The following SNX29 variants were observed in gnomAD, a reference collection of about 807,000 sequenced individuals.
SNX29 encodes sorting nexin 29, also known as sorting nexin-29.
SNX29 carries 78 observed loss-of-function variants against 102.1 expected under a neutral mutation model. The observed-to-expected ratio is 0.76, with a 90% CI of 0.64 to 0.92. The LOEUF (loss-of-function observed/expected upper bound fraction) is 0.92. Ranked by LOEUF, SNX29 falls within the 40% of genes least tolerant of loss-of-function variation. SNX29 has a pLI of 0.00. For synonymous variants in SNX29, 580 were observed against 414.5 expected (o/e 1.40, Z -4.85); for missense variants, 1,280 against 1,061.7 (o/e 1.21, Z -2.86).
intron 11 of SNX29, among the ~76,000 whole-genome samples, chr16:12,115,890 C>T (rs111251502): frequency 0.019 from 2,943 of 152,284 alleles, 43 homozygotes; most frequent in South Asian, 0.08. Flanking sequence ...CACTGCACCC[C>T]GCAAGAGGAG....
At chr16:12,558,636 G>T (rs1201085755) in intron 20 of SNX29, among the ~76,000 whole-genome samples, 2 of 152,046 alleles carry the variant, frequency 1.3e-5, no homozygotes, top group East Asian at 3.8e-4. Context: ...GAGCTTAAAA[G>T]AAACCTATTC....
intron 16 of SNX29, among the ~76,000 whole-genome samples, chr16:12,382,913 A>G (rs963028257): frequency 2.0e-5 from 3 of 152,038 alleles, no homozygotes; most frequent in Admixed American, 2.0e-4. Flanking sequence ...CTACCTGGAT[A>G]ATCTAGGATG....
At chr16:12,434,280 G>C (rs1017051392) in intron 18 of SNX29, among the ~76,000 whole-genome samples, 6 of 152,188 alleles carry the variant, frequency 3.9e-5, no homozygotes, top group African/African-American at 1.4e-4. Flanking sequence ...TGTGTACAAA[G>C]TAGTAAGCTC....
chr16:12,150,043 G>C lies in SNX29; in HGVS notation c.1595+20285G>C, dbSNP rs1047520026. On this transcript the variant is annotated intron_variant, in intron 13 of 20. Transcript: ENST00000566228. ...ACGATTGAGGGTGGGGTTTCTGCAA[G>C]GGTGGCCTGGGAACAGATTCCCAAG... is the stretch of plus-strand genomic sequence containing the variant. Among the ~76,000 whole-genome samples the C allele has an allele frequency of 4.6e-5, 7 of 152,292 alleles. No homozygotes were observed. The East Asian group carries it at 1.2e-3, about 25-fold the overall frequency.
chr16:12,248,471 C>G (rs1178222968), intron 14 of SNX29, among the ~76,000 whole-genome samples: 1 of 151,894 alleles, frequency 6.6e-6, no homozygotes, highest in African/African-American at 2.4e-5. Context: ...TCTCAGCTCA[C>G]TGCAACGTCT....
chr16:12,571,481 G>C lies in SNX29; in HGVS notation c.*2852G>C, dbSNP rs543640550. On this transcript the variant is annotated 3_prime_UTR_variant, in exon 21 of 21. Transcript: ENST00000566228. ...GAACAGAAGCCCCCTCCCCTACTCA[G>C]AGAGGAACGAGGGTGGCCCACCTCT... 3.5e-6 allele frequency: 1 copy of C among 288,468 alleles called. No individual in the cohort carries two copies. Among genetic ancestry groups the C allele is most frequent in the Non-Finnish European group, 5.9e-6 (1 of 169,288 alleles). The allele number at this position is 288,468 out of a possible 1,614,324, so 17.9% of individuals were successfully genotyped here.
chr16:12,368,110 G>T (rs932678558), intron 16 of SNX29, among the ~76,000 whole-genome samples: 7 of 152,152 alleles, frequency 4.6e-5, no homozygotes, highest in Non-Finnish European at 8.8e-5. Context: ...TTTCTTTTCT[G>T]ATGCACTTGT....
intron 13 of SNX29, among the ~76,000 whole-genome samples, chr16:12,187,444 A>T (rs2076538729): frequency 6.6e-6 from 1 of 151,812 alleles, no homozygotes; most frequent in African/African-American, 2.4e-5. Flanking sequence ...GCTACTTGGG[A>T]GGCTGAGGCA....
chr16:11,997,834 G>A (rs944205559), intron 1 of SNX29, among the ~76,000 whole-genome samples: 3 of 152,014 alleles, frequency 2.0e-5, no homozygotes, highest in Non-Finnish European at 2.9e-5. Flanking sequence ...ATTTAACTCC[G>A]GTGTCCTCAG....
intron 14 of SNX29, among the ~76,000 whole-genome samples, chr16:12,217,858 A>G (rs1486285799): frequency 6.6e-6 from 1 of 152,204 alleles, no homozygotes; most frequent in African/African-American, 2.4e-5. Context: ...TAAAACGTGG[A>G]TGGTAACTGC....
At chr16:12,516,500 A>AAAAAAG (rs1597696986) in intron 19 of SNX29, among the ~76,000 whole-genome samples, 1 of 147,772 alleles carries the variant, frequency 6.8e-6, no homozygotes, top group African/African-American at 2.5e-5. Context: ...AAAAAAAAAA[A>AAAAAAG]GGTGCAGGAT....
chr16:12,129,183 T>C (rs974336677), intron 12 of SNX29, among the ~76,000 whole-genome samples: 4 of 152,252 alleles, frequency 2.6e-5, no homozygotes, highest in African/African-American at 9.6e-5. Context: ...AATCTGAGTA[T>C]ATATTCTATT....
rs1232547769 is a variant in SNX29, at chr16:12,570,953, T to G, written c.*2324T>G. The G allele has an allele frequency of 8.6e-5, 20 of 231,774 alleles. No individual in the cohort carries two copies. Among genetic ancestry groups the G allele is most frequent in the East Asian group, 7.3e-4 (12 of 16,386 alleles). The allele number at this position is 231,774 out of a possible 1,614,324, so 14.4% of individuals were successfully genotyped here. A position where few individuals can be genotyped will look rare whatever the true frequency, so the allele number is the denominator to read the frequency against. ...GTTCCTGGGAGCCACATGGGGACCATCCCCAGCTGCCTGCTCCTGGTACCT... is the reference window on the plus strand; with the variant it reads ...GTTCCTGGGAGCCACATGGGGACCAGCCCCAGCTGCCTGCTCCTGGTACCT... On this transcript the variant is annotated 3_prime_UTR_variant, in exon 21 of 21. Transcript: ENST00000566228.
At chr16:12,135,560 C>T (rs923834163) in intron 13 of SNX29, 1 of 1,329,518 alleles carries the variant, frequency 7.5e-7, no homozygotes, top group Non-Finnish European at 9.9e-7. Flanking sequence ...GCTATCTTTG[C>T]TATTTTGTGA....
At chr16:12,126,864 A>G (rs2054233966) in intron 12 of SNX29, among the ~76,000 whole-genome samples, 168 bp downstream of exon 12, 2 of 152,212 alleles carry the variant, frequency 1.3e-5, no homozygotes, top group Non-Finnish European at 2.9e-5. Context: ...TTACTGTGGT[A>G]TCTCTCTTTT....
intron 14 of SNX29, among the ~76,000 whole-genome samples, chr16:12,232,973 G>A (rs544844922): frequency 6.6e-6 from 1 of 152,376 alleles, no homozygotes; most frequent in South Asian, 2.1e-4. Flanking sequence ...AGCCTGGCAA[G>A]TTGTAGTCTT....
intron 18 of SNX29, among the ~76,000 whole-genome samples, chr16:12,471,755 A>C (rs12934103): frequency 0.23 from 35,372 of 152,170 alleles, 5,024 homozygotes; most frequent in South Asian, 0.38. Flanking sequence ...TATCAATCTT[A>C]AGTTTATGGT....
rs117408167 is a variant in SNX29 at position 12,511,907 on chromosome 16, C to T, written c.2179-12795C>T. Among the ~76,000 whole-genome samples, 643 of 151,564 alleles carry T rather than the reference C, an allele frequency of 4.2e-3. 2 individuals are homozygous for T. The highest frequency in any genetic ancestry group is 6.8e-3 in the Middle Eastern group (2 of 294). ...GGTGGACCAGGAAACCACTGGACGGCGTTGGGCAGGGCAGAGGAAGTGGTC... is the reference window on the plus strand; with the variant it reads ...GGTGGACCAGGAAACCACTGGACGGTGTTGGGCAGGGCAGAGGAAGTGGTC... On this transcript the variant is annotated intron_variant, in intron 19 of 20. Coordinates refer to ENST00000566228, the MANE Select transcript of SNX29 (RefSeq NM_032167.5).
intron 18 of SNX29, among the ~76,000 whole-genome samples, chr16:12,459,136 C>T (rs959353032): frequency 7.2e-6 from 1 of 139,710 alleles, no homozygotes; most frequent in African/African-American, 2.7e-5. Flanking sequence ...TTTCACTCCC[C>T]CCTCCTCCCC....
Sources: gnomAD v4.1 joint callset for allele counts (sites outside exome capture counted in the v4.1 genomes callset) on GRCh38, gnomAD v4.1.1 for gene constraint, MANE v1.5 for transcripts, NCBI Gene and HGNC (gene_info 2026-07-23, HGNC 2026-07-21) for gene names.